The following CDH12 variants were observed in gnomAD, a reference collection of about 807,000 sequenced individuals.
CDH12 encodes the protein cadherin 12, also known as cadherin-12.
Under a neutral mutation model 74.1 loss-of-function variants are expected in CDH12, and 41 were observed. The observed-to-expected ratio is 0.55, with a 90% CI of 0.43 to 0.72. The LOEUF (loss-of-function observed/expected upper bound fraction) is 0.72. Ranked by LOEUF, CDH12 falls within the 30% of genes least tolerant of loss-of-function variation. The pLI is 0.00. For missense variants in CDH12, 945 were observed against 977.2 expected, an observed-to-expected ratio of 0.97 and a Z score of 0.44; for synonymous variants, 399 against 355.0, an observed-to-expected ratio of 1.12 and a Z score of -1.39.
intron 1 of CDH12, among the ~76,000 whole-genome samples, chr5:22,620,546 T>C (rs543448395): frequency 2.0e-5 from 3 of 152,108 alleles, no homozygotes; most frequent in Admixed American, 1.3e-4. Flanking sequence ...AAAATAAAGA[T>C]ATAGAAAATA....
At chr5:22,739,738 C>T (rs1744925838) in intron 1 of CDH12, among the ~76,000 whole-genome samples, 2 of 152,066 alleles carry the variant, frequency 1.3e-5, no homozygotes, top group Admixed American at 6.6e-5. Context: ...CCCTGGCAAC[C>T]CACATCCTTC....
At chr5:22,234,394 C>A (rs1752490236) in intron 3 of CDH12, among the ~76,000 whole-genome samples, 1 of 152,114 alleles carries the variant, frequency 6.6e-6, no homozygotes, top group African/African-American at 2.4e-5. Context: ...ACAAGTCTCA[C>A]AAGATCTGAT....
intron 1 of CDH12, among the ~76,000 whole-genome samples, chr5:22,706,629 A>T (rs1743022781): frequency 6.6e-6 from 1 of 152,048 alleles, no homozygotes. Context: ...ATTTTAATGT[A>T]TCATAGTTTA....
intron 4 of CDH12, among the ~76,000 whole-genome samples, chr5:22,080,204 T>C (rs1742629997): frequency 6.6e-6 from 1 of 152,194 alleles, no homozygotes; most frequent in African/African-American, 2.4e-5. Flanking sequence ...CTATAAAACA[T>C]GGTGTTTTTG....
chr5:21,941,562 A>T (rs1755329567), intron 6 of CDH12, among the ~76,000 whole-genome samples: 1 of 151,784 alleles, frequency 6.6e-6, no homozygotes, highest in Non-Finnish European at 1.5e-5. Context: ...GTTTCACTGA[A>T]TCAAGCTTAA....
intron 10 of CDH12, among the ~76,000 whole-genome samples, chr5:21,796,405 G>A (rs549241640): frequency 2.0e-5 from 3 of 151,996 alleles, no homozygotes; most frequent in South Asian, 2.1e-4. Context: ...TGAATGTATC[G>A]GTACTCAAAA....
chr5:22,226,358 G>T (rs1236407656), intron 3 of CDH12, among the ~76,000 whole-genome samples: 1 of 151,972 alleles, frequency 6.6e-6, no homozygotes, highest in African/African-American at 2.4e-5. Context: ...TATAAAAACA[G>T]TGTTTTCTCT....
chr5:22,105,062 G>A lies in CDH12; in HGVS notation c.-186-26200C>T, dbSNP rs183925578. On this transcript the variant is annotated intron_variant, in intron 4 of 14. Coordinates refer to ENST00000382254, the MANE Select transcript of CDH12 (RefSeq NM_004061.5). ...GACTTCACATCATCTTTCCCTGCGC[G>A]TATGTCTGTCTCTGTTTCCAAATTT... Among the ~76,000 whole-genome samples the A allele has an allele frequency of 3.0e-3, 451 of 151,834 alleles. 7 individuals carry two copies. The highest frequency in any genetic ancestry group is 0.011 in the African/African-American group (439 of 41,432).
At chr5:22,116,500 G>A (rs1745113834) in intron 4 of CDH12, among the ~76,000 whole-genome samples, 2 of 152,236 alleles carry the variant, frequency 1.3e-5, no homozygotes, top group South Asian at 4.1e-4. Context: ...AGCTACTCAG[G>A]TGGCTGAGGC....
rs899945771 is a variant in CDH12, at chr5:22,377,453, G to A, written c.-333+27804C>T. ...TCCTGGTGGAATAGGATGGCTTCCA[G>A]CACAGTGAGGGCCAAGTGTGTCCTC... On this transcript the variant is annotated intron_variant, in intron 3 of 14. Coordinates refer to ENST00000382254, the MANE Select transcript of CDH12 (RefSeq NM_004061.5). Among the ~76,000 whole-genome samples the A allele has an allele frequency of 7.2e-5, 11 of 152,124 alleles. No homozygotes were observed. In the East Asian group the frequency reaches 2.1e-3, roughly 29 times the overall value.
At chr5:22,428,629 T>G (rs1403496448) in intron 2 of CDH12, among the ~76,000 whole-genome samples, 1 of 152,158 alleles carries the variant, frequency 6.6e-6, no homozygotes, top group African/African-American at 2.4e-5. Context: ...TTAGTTTGAT[T>G]TTTGTCCTTT....
intron 5 of CDH12, among the ~76,000 whole-genome samples, chr5:22,046,430 C>CTTTTTTTTTTTTTTTTTTTTTTTTT (rs11323330): frequency 2.0e-5 from 2 of 100,420 alleles, no homozygotes; most frequent in Non-Finnish European, 3.9e-5. Flanking sequence ...CATTTAATTT[C>CTTTTTTTTTTTTTTTTTTTTTTTTT]TTTTTTTTTT....
At chr5:22,439,700 C>G (rs1294033099) in intron 2 of CDH12, among the ~76,000 whole-genome samples, 1 of 152,008 alleles carries the variant, frequency 6.6e-6, no homozygotes, top group African/African-American at 2.4e-5. Flanking sequence ...AGTATACAGG[C>G]AGGTGGACAT....
chr5:22,080,840 C>G (rs115675777), intron 4 of CDH12, among the ~76,000 whole-genome samples: 1 of 151,808 alleles, frequency 6.6e-6, no homozygotes, highest in Non-Finnish European at 1.5e-5. Context: ...AGCGCAGTGG[C>G]GTAATCTCAG....
At chr5:22,765,496 C>T (rs1271729581) in intron 1 of CDH12, among the ~76,000 whole-genome samples, 1 of 151,784 alleles carries the variant, frequency 6.6e-6, no homozygotes, top group Admixed American at 6.6e-5. Context: ...ATTTGGAAGA[C>T]CTGGAGTCCC....
chr5:21,830,661 A>G (rs1294449314), intron 8 of CDH12, among the ~76,000 whole-genome samples: 1 of 152,152 alleles, frequency 6.6e-6, no homozygotes, highest in Non-Finnish European at 1.5e-5. Context: ...CCCAGTGAGT[A>G]AATAGCAGAG....
intron 2 of CDH12, among the ~76,000 whole-genome samples, chr5:22,414,347 C>T (rs1335407701): frequency 6.6e-6 from 1 of 151,886 alleles, no homozygotes; most frequent in Non-Finnish European, 1.5e-5. Flanking sequence ...AGGAGGACTT[C>T]CCTTATTCAA....
At chr5:22,187,511 G>A (rs1420651230) in intron 4 of CDH12, among the ~76,000 whole-genome samples, 2 of 150,982 alleles carry the variant, frequency 1.3e-5, no homozygotes, top group Non-Finnish European at 1.5e-5. Flanking sequence ...AATGCTAGCA[G>A]AATGTCTCAA....
intron 1 of CDH12, among the ~76,000 whole-genome samples, chr5:22,535,283 T>C (rs988490386): frequency 1.3e-5 from 2 of 151,334 alleles, no homozygotes; most frequent in East Asian, 2.0e-4. Context: ...GCCTCCCGAG[T>C]AGCTGGGACT....
Sources: gnomAD v4.1 joint callset for allele counts (sites outside exome capture counted in the v4.1 genomes callset) on GRCh38, gnomAD v4.1.1 for gene constraint, MANE v1.5 for transcripts, NCBI Gene and HGNC (gene_info 2026-07-23, HGNC 2026-07-21) for gene names.